CCDC6: variants seen among roughly 807,000 people sequenced by gnomAD.
CCDC6 encodes the protein coiled-coil domain containing 6.
Under a neutral mutation model 56.6 loss-of-function variants are expected in CCDC6, and 20 were observed. The observed-to-expected ratio is 0.35, with a 90% confidence interval of 0.25 to 0.51. The LOEUF (loss-of-function observed/expected upper bound fraction) is 0.51, where lower values mean the gene tolerates loss of function less well. CCDC6 is among the 20% of genes least tolerant of loss of function. The pLI, the probability that CCDC6 is intolerant of heterozygous loss-of-function variation, is 0.95. For synonymous variants in CCDC6, 241 were observed against 234.4 expected (o/e 1.03, Z -0.26); for missense variants, 367 against 601.1 (o/e 0.61, Z 4.07).
At chr10:59,838,354 T>C (rs1025398595) in intron 2 of CCDC6, among the ~76,000 whole-genome samples, 3 of 152,174 alleles carry the variant, frequency 2.0e-5, no homozygotes, top group African/African-American at 4.8e-5. Flanking sequence ...AGGTCCACTG[T>C]AGATCATCCT....
At chr10:59,862,463 G>A (rs2071137885) in intron 1 of CCDC6, among the ~76,000 whole-genome samples, 1 of 148,654 alleles carries the variant, frequency 6.7e-6, no homozygotes, top group Non-Finnish European at 1.5e-5. Context: ...ACTCCAGTAT[G>A]GGTGACAGAG....
intron 1 of CCDC6, among the ~76,000 whole-genome samples, chr10:59,890,384 A>T (rs137874489): frequency 0.011 from 1,744 of 152,278 alleles, 11 homozygotes; most frequent in Non-Finnish European, 0.018. Context: ...AGAGCCCCGC[A>T]AAAGGAGGGG....
intron 2 of CCDC6, among the ~76,000 whole-genome samples, chr10:59,841,794 A>C (rs1355147898): frequency 6.6e-6 from 1 of 151,230 alleles, no homozygotes; most frequent in Non-Finnish European, 1.5e-5. Context: ...CAGCCTCCCG[A>C]GTAGCTGGGA....
At chr10:59,862,549 A>ACC (rs2071141375) in intron 1 of CCDC6, among the ~76,000 whole-genome samples, 1 of 122,340 alleles carries the variant, frequency 8.2e-6, no homozygotes, top group Non-Finnish European at 1.6e-5. Flanking sequence ...ACACACACAC[A>ACC]CACACACATA....
Position 59,792,869 on chromosome 10 carries a change from G to C in CCDC6, c.*48C>G. 1 of 1,578,928 alleles carries C rather than the reference G, an allele frequency of 6.3e-7. No individual in the cohort carries two copies. Among genetic ancestry groups the C allele is most frequent in the Non-Finnish European group, 8.7e-7 (1 of 1,148,298 alleles). ...AGGAAGCCTTTGGCGTTGAGTAGAC[G>C]GCTCCATTGGATGAGTCCCAACTTG... On this transcript the variant is annotated 3_prime_UTR_variant, in exon 9 of 9. Transcript: ENST00000263102.
intron 1 of CCDC6, among the ~76,000 whole-genome samples, chr10:59,900,293 T>G (rs995277054): frequency 6.6e-6 from 1 of 151,932 alleles, no homozygotes; most frequent in Non-Finnish European, 1.5e-5. Context: ...AAAGAGGAAG[T>G]ATCAGGGCAT....
chr10:59,880,628 ATATGTG>A (rs2071325682), intron 1 of CCDC6, among the ~76,000 whole-genome samples: 1 of 152,216 alleles, frequency 6.6e-6, no homozygotes. Context: ...TACACTTACC[ATATGTG>A]TATAAGTTAT....
At position 59,789,339 on chromosome 10, in the gene CCDC6, G is replaced by A. The variant is rs1256276727; in HGVS notation, c.*3578C>T. On this transcript the variant is annotated 3_prime_UTR_variant, in exon 9 of 9. Coordinates refer to ENST00000263102, the MANE Select transcript of CCDC6 (RefSeq NM_005436.5). ...GGATTTTTTCAGTTGCCTCATGAGA[G>A]GCAACCTGGGCTTGGCAGTTAATCA... 2 of 230,886 alleles carry A rather than the reference G, an allele frequency of 8.7e-6. No individual in the cohort carries two copies. Among genetic ancestry groups the A allele is most frequent in the Admixed American group, 5.7e-5 (1 of 17,670 alleles). The allele number at this position is 230,886 out of a possible 1,614,324, so 14.3% of individuals were successfully genotyped here.
At chr10:59,870,760 G>A (rs935944629) in intron 1 of CCDC6, among the ~76,000 whole-genome samples, 3 of 152,130 alleles carry the variant, frequency 2.0e-5, no homozygotes, top group Admixed American at 6.5e-5. Context: ...GGCTGGAATC[G>A]AACTAGAAGT....
chr10:59,796,860 A>G (rs766567868), intron 7 of CCDC6, among the ~76,000 whole-genome samples: 2 of 151,746 alleles, frequency 1.3e-5, no homozygotes, highest in Non-Finnish European at 2.9e-5. Flanking sequence ...AGTCCTAGCT[A>G]TTCGGGAGTC....
At chr10:59,808,409 T>C (rs1207639260) in intron 5 of CCDC6, among the ~76,000 whole-genome samples, 1 of 152,154 alleles carries the variant, frequency 6.6e-6, no homozygotes, top group East Asian at 1.9e-4. Context: ...CCTTCCTCTT[T>C]TGACAACCTC....
intron 1 of CCDC6, among the ~76,000 whole-genome samples, chr10:59,863,149 T>C (rs1196228584): frequency 6.6e-6 from 1 of 152,056 alleles, no homozygotes; most frequent in Non-Finnish European, 1.5e-5. Flanking sequence ...GAAGAAATGA[T>C]ATATTGCTTA....
chr10:59,877,894 T>A (rs972280996), intron 1 of CCDC6, among the ~76,000 whole-genome samples: 1 of 152,130 alleles, frequency 6.6e-6, no homozygotes, highest in Non-Finnish European at 1.5e-5. Flanking sequence ...AGTAAAATTT[T>A]AAAAATCTTC....
chr10:59,812,849 A>T (rs532005327), intron 4 of CCDC6, 54 bp from the exon 5 acceptor site: 2 of 1,325,308 alleles, frequency 1.5e-6, no homozygotes, highest in South Asian at 2.6e-5. Flanking sequence ...TTGAAAAGAC[A>T]AAACAACATA....
At chr10:59,799,382 T>C (rs1267893300) in intron 7 of CCDC6, among the ~76,000 whole-genome samples, 2 of 152,132 alleles carry the variant, frequency 1.3e-5, no homozygotes, top group Non-Finnish European at 2.9e-5. Context: ...GCCAAGATCA[T>C]GCCACTGCAC....
chr10:59,841,667 T>TTTG (rs2070940212), intron 2 of CCDC6, among the ~76,000 whole-genome samples: 1 of 151,712 alleles, frequency 6.6e-6, no homozygotes, highest in African/African-American at 2.4e-5. Context: ...GTCTTGTTTT[T>TTTG]TTTGTTTGTT....
At position 59,814,773 on chromosome 10, in the gene CCDC6, G is replaced by T; in HGVS notation, c.583-18C>A. On this transcript the variant is annotated intron_variant, in intron 3 of 8. Transcript: ENST00000263102. ...CGTCTCAACTAAAGGAAGGAAAAAA[G>T]TGTTACCAAAGTGTCAGGCCACTTA... 1 of 1,521,244 alleles carries T rather than the reference G, an allele frequency of 6.6e-7. No individual in the cohort carries two copies. The highest frequency in any genetic ancestry group is 1.1e-5 in the South Asian group (1 of 89,064). 94.2% of individuals were successfully genotyped at this position (1,521,244 alleles called of 1,614,324 possible).
At chr10:59,890,889 A>T (rs575130502) in intron 1 of CCDC6, among the ~76,000 whole-genome samples, 80 of 151,704 alleles carry the variant, frequency 5.3e-4, no homozygotes, top group African/African-American at 1.9e-3. Context: ...TCCTCCCCCA[A>T]CCCCACGACA....
In CCDC6 at chr10:59,832,428, C is replaced by G; in HGVS notation, c.582+97G>C. On this transcript the variant is annotated intron_variant, in intron 3 of 8. Transcript: ENST00000263102. Reference sequence around the variant, plus strand: ...CACAGTGGGGAGAGAAAGCTGAAAACTACTTTTCACTTAAATTCCTCCAGG... The same window carrying G: ...CACAGTGGGGAGAGAAAGCTGAAAAGTACTTTTCACTTAAATTCCTCCAGG... The G allele has an allele frequency of 2.5e-6, 3 of 1,198,400 alleles. No homozygotes were observed. The South Asian group carries it at 4.6e-5, about 19-fold the overall frequency. 74.2% of individuals were successfully genotyped at this position (1,198,400 alleles called of 1,614,324 possible).
Sources: allele counts gnomAD v4.1 joint callset (sites outside exome capture counted in the v4.1 genomes callset), GRCh38; gene constraint gnomAD v4.1.1; transcripts MANE v1.5; gene names NCBI Gene and HGNC (gene_info 2026-07-23, HGNC 2026-07-21).